Variants in KIF13A observed in about 807,000 individuals in gnomAD.
The protein encoded by KIF13A is kinesin-like protein KIF13A.
KIF13A carries 79 observed loss-of-function variants against 212.2 expected under a neutral mutation model. That is an observed-to-expected ratio of 0.37 (90% CI 0.31 to 0.45). The LOEUF is 0.45. Ranked by LOEUF, KIF13A falls within the 20% of genes least tolerant of loss-of-function variation. The probability of loss-of-function intolerance (pLI) is 1.00; values close to 1 mark genes in which losing one functional copy is unlikely to be tolerated. For missense variants in KIF13A, 1,901 were observed against 2,209.0 expected, an observed-to-expected ratio of 0.86 and a Z score of 2.79; for synonymous variants, 789 against 808.6, an observed-to-expected ratio of 0.98 and a Z score of 0.41.
chr6:17,946,378 T>C (rs1177082974), intron 2 of KIF13A, among the ~76,000 whole-genome samples: 1 of 151,778 alleles, frequency 6.6e-6, no homozygotes, highest in Non-Finnish European at 1.5e-5. Flanking sequence ...AAAAAGATTT[T>C]GCATATAACA....
chr6:17,799,325 C>A lies in KIF13A; in HGVS notation c.2731G>T (p.Glu911Ter). Residue 911 changes from glutamate to a stop codon, truncating the protein, a stop_gained, in exon 22 of 39, where the codon GAG (glutamate) becomes TAG (stop). Coordinates refer to ENST00000259711, the MANE Select transcript of KIF13A (RefSeq NM_022113.6). LOFTEE classifies it high-confidence loss of function. The surrounding 1 kb of genome is among the most constrained non-coding windows in gnomAD (Gnocchi z 4.4). ...STVAAPVVDP[E>*]VPSPQSKDAQ... ...TCCTTGGACTGTGGTGAAGGCACCT[C>A]GGGGTCCACCACCGGGGCAGCCACC... The A allele has an allele frequency of 1.2e-6, 2 of 1,613,456 alleles. No individual in the cohort carries two copies. The highest frequency in any genetic ancestry group is 1.1e-5 in the South Asian group (1 of 90,944).
intron 4 of KIF13A, among the ~76,000 whole-genome samples, chr6:17,866,867 A>T (rs1769449569): frequency 7.0e-6 from 1 of 143,098 alleles, no homozygotes; most frequent in Admixed American, 7.0e-5. Flanking sequence ...ATATATATAT[A>T]TATATATATT....
chr6:17,794,585 A>T lies in KIF13A; in HGVS notation c.3062T>A (p.Phe1021Tyr). ...QAKDVNTGGIFQLRQGHSRRV... is the reference protein window; with the variant it reads ...QAKDVNTGGIYQLRQGHSRRV... ...CAAACTCAGTACCTGTCTAAGTTGA[A>T]AGATGCCTCCTGTGTTGACATCTTT... Residue 1021 changes from phenylalanine (F) to tyrosine (Y), a missense_variant, in exon 24 of 39, where the codon TTT (phenylalanine) becomes TAT (tyrosine). Phe to Tyr is a conservative substitution (Grantham distance 22, BLOSUM62 3). Around this residue, in one of 5 missense-constraint regions of KIF13A, gnomAD observed 168 missense variants for 250.9 expected, o/e 0.67. Transcript: ENST00000259711. This position sits in a 1 kb window ranked among gnomAD's most constrained non-coding sequence, Gnocchi z 4.1. 1 of 1,608,612 alleles carries T rather than the reference A, an allele frequency of 6.2e-7. No individual in the cohort carries two copies. The highest frequency in any genetic ancestry group is 8.5e-7 in the Non-Finnish European group (1 of 1,178,338).
At position 17,892,351 on chromosome 6, in the gene KIF13A, C is replaced by CT. The variant is rs1203656564; in HGVS notation, c.159+5816dup. ...CTGCTCCTGTGCAAACCCTTATTTCCTTTTTTTCTGATGTATTTTACTGAA... is the reference window on the plus strand; with the variant it reads ...CTGCTCCTGTGCAAACCCTTATTTCCTTTTTTTTCTGATGTATTTTACTGAA... On this transcript the variant is annotated intron_variant, in intron 3 of 38. Coordinates refer to ENST00000259711, the MANE Select transcript of KIF13A (RefSeq NM_022113.6). The surrounding 1 kb of genome is among the most constrained non-coding windows in gnomAD (Gnocchi z 4.7). 6.6e-6 allele frequency among the ~76,000 whole-genome samples: 1 copy of CT among 152,076 alleles called. No individual in the cohort carries two copies. Among genetic ancestry groups the CT allele is most frequent in the East Asian group, 1.9e-4 (1 of 5,204 alleles).
chr6:17,804,007 C>T (rs1308618964), intron 20 of KIF13A, among the ~76,000 whole-genome samples: 1 of 152,126 alleles, frequency 6.6e-6, no homozygotes, highest in African/African-American at 2.4e-5. Flanking sequence ...AAAAAATTAG[C>T]CCGATATGGT....
chr6:17,769,019 G>A lies in KIF13A; in HGVS notation c.4581+2095C>T, dbSNP rs1759267168. On this transcript the variant is annotated intron_variant, in intron 38 of 38. Transcript: ENST00000259711. The surrounding 1 kb of genome is among the most constrained non-coding windows in gnomAD (Gnocchi z 5.8). ...ACAGAAGTTACTATGGTAATTAGGT[G>A]GGTTAAACATTAACAGGAACAATGT... Among the ~76,000 whole-genome samples, 1 of 149,980 alleles carries A rather than the reference G, an allele frequency of 6.7e-6. No homozygotes were observed. Among genetic ancestry groups the A allele is most frequent in the Admixed American group, 6.6e-5 (1 of 15,118 alleles).
rs1347907703 is a variant in KIF13A, at chr6:17,826,528, C to T, written c.1533-404G>A. 6.6e-6 allele frequency among the ~76,000 whole-genome samples: 1 copy of T among 152,032 alleles called. No individual in the cohort carries two copies. Among genetic ancestry groups the T allele is most frequent in the Non-Finnish European group, 1.5e-5 (1 of 68,010 alleles). On this transcript the variant is annotated intron_variant, in intron 14 of 38. Coordinates refer to ENST00000259711, the MANE Select transcript of KIF13A (RefSeq NM_022113.6). The surrounding 1 kb of genome is among the most constrained non-coding windows in gnomAD (Gnocchi z 4.7). ...TGACTGTGGGAACCTCTAGGATCAA[C>T]AATGAGGTGACTTCAACAAATAAAA...
intron 23 of KIF13A, among the ~76,000 whole-genome samples, chr6:17,795,596 C>CA (rs34962687): frequency 0.58 from 76,900 of 132,084 alleles, 23,716 homozygotes; most frequent in East Asian, 0.81. Flanking sequence ...GACTCCATCT[C>CA]AAAAAAAAAA....
At chr6:17,823,052 T>G (rs79613425) in intron 16 of KIF13A, among the ~76,000 whole-genome samples, 1 of 142,262 alleles carries the variant, frequency 7.0e-6, no homozygotes, top group Non-Finnish European at 1.5e-5. Context: ...TTTTTTTTTT[T>G]GGAGACAGAG....
At chr6:17,902,923 C>T (rs1294002078) in intron 2 of KIF13A, among the ~76,000 whole-genome samples, 1 of 152,170 alleles carries the variant, frequency 6.6e-6, no homozygotes, top group Non-Finnish European at 1.5e-5. Context: ...AATTTTTTTA[C>T]ATTAGTGAGT....
intron 22 of KIF13A, 72 bp from the exon 23 acceptor site, chr6:17,796,892 C>A (rs1311955003): frequency 3.0e-6 from 3 of 994,648 alleles, no homozygotes; most frequent in Non-Finnish European, 4.1e-6. Context: ...GACCTTTCAA[C>A]TGTTATATTT....
Position 17,895,474 on chromosome 6 carries a change from G to C in KIF13A, c.159+2694C>G, listed in dbSNP as rs115379413. ...CAATTTTTGTGCTTGAGATTTCCTGGATCATACAAATGGCTTGGAACCACA... is the reference window on the plus strand; with the variant it reads ...CAATTTTTGTGCTTGAGATTTCCTGCATCATACAAATGGCTTGGAACCACA... On this transcript the variant is annotated intron_variant, in intron 3 of 38. Transcript: ENST00000259711. The surrounding 1 kb of genome is among the most constrained non-coding windows in gnomAD (Gnocchi z 4.4). Among the ~76,000 whole-genome samples, 1 of 152,150 alleles carries C rather than the reference G, an allele frequency of 6.6e-6. No homozygotes were observed. The highest frequency in any genetic ancestry group is 2.4e-5 in the African/African-American group (1 of 41,442).
rs1772499428 is a variant in KIF13A at position 17,895,715 on chromosome 6, C to T, written c.159+2453G>A. On this transcript the variant is annotated intron_variant, in intron 3 of 38. Coordinates refer to ENST00000259711, the MANE Select transcript of KIF13A (RefSeq NM_022113.6). This position sits in a 1 kb window ranked among gnomAD's most constrained non-coding sequence, Gnocchi z 4.4. ...CTTTAAGCCGCTCCTTCCTGAATGG[C>T]ATATATCTAAATGCTAGGTTCATCT... Among the ~76,000 whole-genome samples, 1 of 152,196 alleles carries T rather than the reference C, an allele frequency of 6.6e-6. No individual in the cohort carries two copies. The highest frequency in any genetic ancestry group is 6.5e-5 in the Admixed American group (1 of 15,278).
Position 17,975,565 on chromosome 6 carries a change from A to G in KIF13A, c.146+11489T>C, listed in dbSNP as rs559814305. Among the ~76,000 whole-genome samples the G allele has an allele frequency of 1.9e-4, 29 of 152,328 alleles. No individual in the cohort carries two copies. In the East Asian group the frequency reaches 5.0e-3, roughly 26 times the overall value. Reference sequence around the variant, plus strand: ...ACCAAAAGAAAAAAAAGCTTCCAGTACAGAACAAAACGCGAACAAGTTACT... The same window carrying G: ...ACCAAAAGAAAAAAAAGCTTCCAGTGCAGAACAAAACGCGAACAAGTTACT... On this transcript the variant is annotated intron_variant, in intron 2 of 38. Transcript: ENST00000259711.
At chr6:17,791,838 T>TG (rs1213772583) in intron 25 of KIF13A, among the ~76,000 whole-genome samples, 3 of 143,186 alleles carry the variant, frequency 2.1e-5, no homozygotes, top group Non-Finnish European at 4.5e-5. Flanking sequence ...AGATGGAAGA[T>TG]GCAGTGAGCC....
At chr6:17,975,827 C>T (rs563766605) in intron 2 of KIF13A, among the ~76,000 whole-genome samples, 48 of 152,242 alleles carry the variant, frequency 3.2e-4, no homozygotes, top group African/African-American at 1.1e-3. Flanking sequence ...GGTGCATTCA[C>T]GAACCCTGAG....
At chr6:17,869,011 A>C (rs1488862948) in intron 4 of KIF13A, among the ~76,000 whole-genome samples, 1 of 149,410 alleles carries the variant, frequency 6.7e-6, no homozygotes, top group East Asian at 1.9e-4. Context: ...AAAAAAAAAA[A>C]AAAAAAAAAC....
intron 4 of KIF13A, among the ~76,000 whole-genome samples, chr6:17,868,562 TC>T (rs1192140894): frequency 3.3e-5 from 5 of 151,694 alleles, no homozygotes; most frequent in African/African-American, 1.2e-4. Context: ...TTTTTTTTTT[TC>T]ATTAGCCCTT....
At chr6:17,889,400 G>T (rs550067246) in intron 3 of KIF13A, among the ~76,000 whole-genome samples, 2 of 152,076 alleles carry the variant, frequency 1.3e-5, no homozygotes, top group African/African-American at 4.8e-5. Context: ...AAAAAACACC[G>T]AAAGTGAATT....
Sources: gnomAD v4.1 joint callset for allele counts (sites outside exome capture counted in the v4.1 genomes callset) on GRCh38, gnomAD v4.1.1 for gene constraint, gnomAD v4.1.1 regional missense constraint, Gnocchi (gnomAD v3.1) non-coding constraint, MANE v1.5 for transcripts, NCBI Gene and HGNC (gene_info 2026-07-23, HGNC 2026-07-21) for gene names.